The following PCDHGA3 variants were observed in gnomAD, a reference collection of about 807,000 sequenced individuals.
The protein encoded by PCDHGA3 is protocadherin gamma subfamily A, 3.
PCDHGA3 carries 40 observed loss-of-function variants against 58.5 expected under a neutral mutation model. That is an observed-to-expected ratio of 0.68 (90% CI 0.53 to 0.89). The LOEUF is 0.89. Ranked by LOEUF, PCDHGA3 falls within the 40% of genes least tolerant of loss-of-function variation. PCDHGA3 has a pLI of 0.00. For missense variants in PCDHGA3, 1,223 were observed against 1,195.9 expected, an observed-to-expected ratio of 1.02 and a Z score of -0.33; for synonymous variants, 530 against 525.7, an observed-to-expected ratio of 1.01 and a Z score of -0.11.
At chr5:141,479,573 C>A (rs1468041584) in intron 1 of PCDHGA3, 1 of 152,230 alleles carries the variant, frequency 6.6e-6, no homozygotes, top group Admixed American at 6.5e-5. Flanking sequence ...GGGATGACAT[C>A]TGTGAATAGC....
chr5:141,374,678 A>G (rs753625335), intron 1 of PCDHGA3: 1 of 1,610,496 alleles, frequency 6.2e-7, no homozygotes, highest in African/African-American at 1.3e-5. Context: ...GCTGGAGGGC[A>G]CACTGGACCG....
chr5:141,489,660 G>A lies in PCDHGA3; in HGVS notation c.2425-5147G>A, dbSNP rs763985085. 3 of 1,614,096 alleles carry A rather than the reference G, an allele frequency of 1.9e-6. No individual in the cohort carries two copies. Among genetic ancestry groups the A allele is most frequent in the Non-Finnish European group, 2.5e-6 (3 of 1,180,036 alleles). On this transcript the variant is annotated intron_variant, in intron 1 of 3. Coordinates refer to ENST00000253812, the MANE Select transcript of PCDHGA3 (RefSeq NM_018916.4). The surrounding 1 kb of genome is among the most constrained non-coding windows in gnomAD (Gnocchi z 4.5). Reference sequence around the variant, plus strand: ...GCTTTGCCACCCCTGAGCGAGAGATGCGCATCTCAGAATCAGCAGCATCTG... The same window carrying A: ...GCTTTGCCACCCCTGAGCGAGAGATACGCATCTCAGAATCAGCAGCATCTG...
At chr5:141,423,227 A>C (rs1305722929) in intron 1 of PCDHGA3, 5 of 1,613,634 alleles carry the variant, frequency 3.1e-6, no homozygotes, top group Non-Finnish European at 2.5e-6. Context: ...GCTGTGGCCG[A>C]CAGCATCCCC....
chr5:141,408,158 T>G lies in PCDHGA3; in HGVS notation c.2424+61701T>G, dbSNP rs1190245850. On this transcript the variant is annotated intron_variant, in intron 1 of 3. Coordinates refer to ENST00000253812, the MANE Select transcript of PCDHGA3 (RefSeq NM_018916.4). ...TCTTTTAGCGCGGTAGAGTGCACTTTCTCCAACTGGAAAAGCGGGGACCCA... is the reference window on the plus strand; with the variant it reads ...TCTTTTAGCGCGGTAGAGTGCACTTGCTCCAACTGGAAAAGCGGGGACCCA... The G allele has an allele frequency of 2.0e-6, 3 of 1,515,140 alleles. No individual in the cohort carries two copies. In the Admixed American group the frequency reaches 6.4e-5, roughly 32 times the overall value. The allele number at this position is 1,515,140 out of a possible 1,614,324, so 93.9% of individuals were successfully genotyped here.
In PCDHGA3 at chr5:141,512,249, T is replaced by A. The variant is rs1159090773; in HGVS notation, c.*1076T>A. 6.6e-6 allele frequency: 1 copy of A among 152,598 alleles called. No individual in the cohort carries two copies. The allele number at this position is 152,598 out of a possible 1,614,324, so 9.5% of individuals were successfully genotyped here. On this transcript the variant is annotated 3_prime_UTR_variant, in exon 4 of 4. Coordinates refer to ENST00000253812, the MANE Select transcript of PCDHGA3 (RefSeq NM_018916.4). Reference sequence around the variant, plus strand: ...CCTTGAGAGGTCAGAGGGGCCTCTGTGGGTGCTGGGTACTCCAGAGGTGCC... The same window carrying A: ...CCTTGAGAGGTCAGAGGGGCCTCTGAGGGTGCTGGGTACTCCAGAGGTGCC...
chr5:141,351,696 C>T (rs568758790), intron 1 of PCDHGA3: 1 of 1,613,976 alleles, frequency 6.2e-7, no homozygotes, highest in Admixed American at 1.7e-5. Context: ...GATTTGGGAC[C>T]CAACGGCAGA....
intron 1 of PCDHGA3, chr5:141,423,684 T>TA (rs1412198122): frequency 1.3e-6 from 2 of 1,524,644 alleles, no homozygotes; most frequent in Non-Finnish European, 1.8e-6. Context: ...CTCTGCCTCC[T>TA]AATTGTTGGT....
In PCDHGA3 at chr5:141,374,228, G is replaced by A. The variant is rs776875063; in HGVS notation, c.2424+27771G>A. On this transcript the variant is annotated intron_variant, in intron 1 of 3. Coordinates refer to ENST00000253812, the MANE Select transcript of PCDHGA3 (RefSeq NM_018916.4). ...GAAAGGCTCCTTCGTAGGCAACATC[G>A]TCAAGGATCTGGGACTGGAGCCCCA... The A allele has an allele frequency of 3.1e-6, 5 of 1,613,988 alleles. No homozygotes were observed. In the South Asian group the frequency reaches 3.3e-5, roughly 11 times the overall value.
At chr5:141,460,616 TAGAC>T (rs533223594) in intron 1 of PCDHGA3, among the ~76,000 whole-genome samples, 44 of 152,232 alleles carry the variant, frequency 2.9e-4, no homozygotes, top group Middle Eastern at 3.4e-3. Context: ...GATGGATAGA[TAGAC>T]AGATACAGAT....
chr5:141,473,148 C>T (rs1381616255), intron 1 of PCDHGA3, among the ~76,000 whole-genome samples: 1 of 152,184 alleles, frequency 6.6e-6, no homozygotes, highest in Non-Finnish European at 1.5e-5. Flanking sequence ...CTCTTCAGAT[C>T]ACTAGGGCTA....
chr5:141,374,589 G>C, intron 1 of PCDHGA3: 3 of 1,613,676 alleles, frequency 1.9e-6, no homozygotes, highest in Non-Finnish European at 1.7e-6. Context: ...TCCCTTCAGG[G>C]ATTTAAGCTC....
intron 1 of PCDHGA3, chr5:141,372,959 A>T: frequency 1.4e-6 from 1 of 715,196 alleles, no homozygotes; most frequent in Non-Finnish European, 2.2e-6. Context: ...AATTCTTTGT[A>T]GAATTTCCTG....
chr5:141,365,644 C>A (rs762390093), intron 1 of PCDHGA3: 3 of 1,613,554 alleles, frequency 1.9e-6, no homozygotes, highest in Non-Finnish European at 2.5e-6. Context: ...AAAGCCACAT[C>A]CCCTTGAAAG....
chr5:141,364,913 G>C, intron 1 of PCDHGA3: 5 of 1,613,990 alleles, frequency 3.1e-6, no homozygotes, highest in Non-Finnish European at 4.2e-6. Flanking sequence ...TCCGGAGCTG[G>C]TGTTGGAACA....
rs2149739460 is a variant in PCDHGA3, at chr5:141,346,061, C to G, written c.2028C>G (p.Gly676=). 1 of 1,613,600 alleles carries G rather than the reference C, an allele frequency of 6.2e-7. No homozygotes were observed. Among genetic ancestry groups the G allele is most frequent in the Non-Finnish European group, 8.5e-7 (1 of 1,179,840 alleles). Residue 676 remains glycine (G), a synonymous_variant, in exon 1 of 4, where the codon GGC becomes GGG. Coordinates refer to ENST00000253812, the MANE Select transcript of PCDHGA3 (RefSeq NM_018916.4). The part of the protein sequence containing the change: ...DRIPDILADL[G]SLEPSAKPND... ...TCCCCGACATCCTGGCCGACCTGGG[C>G]AGCCTCGAGCCCTCCGCCAAACCCA...
chr5:141,421,429 G>A, intron 1 of PCDHGA3: 1 of 1,614,090 alleles, frequency 6.2e-7, no homozygotes, highest in Non-Finnish European at 8.5e-7. Context: ...AGTCCGCATC[G>A]TCTCCAGAGG....
intron 1 of PCDHGA3, chr5:141,390,142 G>A (rs2092062384): frequency 6.2e-6 from 10 of 1,614,022 alleles, no homozygotes; most frequent in Non-Finnish European, 8.5e-6. Flanking sequence ...TACAATCTAT[G>A]TGTTGCACAT....
intron 1 of PCDHGA3, chr5:141,422,123 C>A: frequency 6.2e-7 from 1 of 1,601,290 alleles, no homozygotes; most frequent in South Asian, 1.1e-5. Context: ...GATTCACAAA[C>A]TGGAGAAGTT....
In PCDHGA3 at chr5:141,489,094, G is replaced by T; in HGVS notation, c.2425-5713G>T. The T allele has an allele frequency of 1.5e-5, 6 of 395,994 alleles. No homozygotes were observed. The highest frequency in any genetic ancestry group is 4.1e-5 in the East Asian group (1 of 24,388). The allele number at this position is 395,994 out of a possible 1,614,324, so 24.5% of individuals were successfully genotyped here. ...CCCACCCCCGCCACTCGGTGACTAA[G>T]AACTGCTGCAAGCAGGCAAACCTCC... On this transcript the variant is annotated intron_variant, in intron 1 of 3. Coordinates refer to ENST00000253812, the MANE Select transcript of PCDHGA3 (RefSeq NM_018916.4). This position sits in a 1 kb window ranked among gnomAD's most constrained non-coding sequence, Gnocchi z 4.5.
Sources: gnomAD v4.1 joint callset for allele counts (sites outside exome capture counted in the v4.1 genomes callset) on GRCh38, gnomAD v4.1.1 for gene constraint, Gnocchi (gnomAD v3.1) non-coding constraint, MANE v1.5 for transcripts, NCBI Gene and HGNC (gene_info 2026-07-23, HGNC 2026-07-21) for gene names.